Variants in BMP5 observed in about 807,000 individuals in gnomAD.
BMP5 encodes the protein bone morphogenetic protein 5.
Under a neutral mutation model 46.6 loss-of-function variants are expected in BMP5, and 23 were observed. The ratio of observed to expected loss-of-function variants is 0.49; its 90% confidence interval spans 0.35 to 0.70. The LOEUF is 0.70. Ranked by LOEUF, BMP5 falls within the 30% of genes least tolerant of loss-of-function variation. BMP5 has a pLI of 0.00. For synonymous variants in BMP5, 204 were observed against 191.9 expected (o/e 1.06, Z -0.52); for missense variants, 545 against 565.6 (o/e 0.96, Z 0.37).
At chr6:55,778,182 T>C (rs1775223350) in intron 3 of BMP5, among the ~76,000 whole-genome samples, 1 of 151,968 alleles carries the variant, frequency 6.6e-6, no homozygotes, top group African/African-American at 2.4e-5. Flanking sequence ...AATTCCCTTG[T>C]ATGATATCCA....
chr6:55,797,449 G>GA (rs1775741934), intron 2 of BMP5, among the ~76,000 whole-genome samples: 1 of 151,942 alleles, frequency 6.6e-6, no homozygotes, highest in South Asian at 2.1e-4. Flanking sequence ...CATGTATAAA[G>GA]AAAAAACATA....
intron 1 of BMP5, among the ~76,000 whole-genome samples, chr6:55,843,183 T>C (rs1227287402): frequency 2.0e-5 from 3 of 152,134 alleles, no homozygotes; most frequent in African/African-American, 7.2e-5. Flanking sequence ...CGTTTTTCTC[T>C]GATATCATAA....
intron 2 of BMP5, among the ~76,000 whole-genome samples, chr6:55,798,096 C>T (rs1303058271): frequency 2.0e-5 from 3 of 152,136 alleles, no homozygotes; most frequent in Non-Finnish European, 4.4e-5. Context: ...CTCCCTGTAT[C>T]CCTTCTCATC....
intron 1 of BMP5, among the ~76,000 whole-genome samples, chr6:55,845,804 CAT>C (rs1777084228): frequency 6.6e-6 from 1 of 152,052 alleles, no homozygotes; most frequent in East Asian, 1.9e-4. Flanking sequence ...CTTGAAAAAA[CAT>C]ATATTGGTCA....
At position 55,875,579 on chromosome 6, in the gene BMP5, G is replaced by A. The variant is rs996939351; in HGVS notation, c.-714C>T. 5 of 152,272 alleles carry A rather than the reference G, an allele frequency of 3.3e-5. No homozygotes were observed. The highest frequency in any genetic ancestry group is 5.9e-5 in the Non-Finnish European group (4 of 68,080). The allele number at this position is 152,272 out of a possible 1,614,324, so 9.4% of individuals were successfully genotyped here. On this transcript the variant is annotated 5_prime_UTR_variant, in exon 1 of 7. Coordinates refer to ENST00000370830, the MANE Select transcript of BMP5 (RefSeq NM_021073.4). ...AAATATACCAGCCCTCTTCAAGAGAGATCTAAAGAGTAGTGTAAGCACAAC... is the reference window on the plus strand; with the variant it reads ...AAATATACCAGCCCTCTTCAAGAGAAATCTAAAGAGTAGTGTAAGCACAAC...
At position 55,802,280 on chromosome 6, in the gene BMP5, C is replaced by T. The variant is rs113546318; in HGVS notation, c.684-7853G>A. Among the ~76,000 whole-genome samples, 1,196 of 152,244 alleles carry T rather than the reference C, an allele frequency of 7.9e-3. 14 individuals are homozygous for T. Among genetic ancestry groups the T allele is most frequent in the African/African-American group, 0.026 (1,059 of 41,524 alleles). ...AGTTGAAACAGCTACCCGGCCACTTCGACTCCTCATGCCAGTGAATCAAGA... is the reference window on the plus strand; with the variant it reads ...AGTTGAAACAGCTACCCGGCCACTTTGACTCCTCATGCCAGTGAATCAAGA... On this transcript the variant is annotated intron_variant, in intron 2 of 6. Transcript: ENST00000370830.
At chr6:55,863,914 C>T (rs77414246) in intron 1 of BMP5, among the ~76,000 whole-genome samples, 1,568 of 152,114 alleles carry the variant, frequency 0.01, 32 homozygotes, top group African/African-American at 0.036. Context: ...GTAGGATATG[C>T]CATCTAGGTT....
Position 55,841,250 on chromosome 6 carries a change from T to C in BMP5, c.491-21403A>G, listed in dbSNP as rs372603290. ...CTGCTGTTTTAGATCATTAGGTTGA[T>C]GTTGATGTTTTTCACCAAATTTTCA... On this transcript the variant is annotated intron_variant, in intron 1 of 6. Transcript: ENST00000370830. 5.3e-4 allele frequency among the ~76,000 whole-genome samples: 80 copies of C among 152,288 alleles called. No individual in the cohort carries two copies. In the South Asian group the frequency reaches 0.016, roughly 31 times the overall value.
chr6:55,822,704 T>C (rs1187495636), intron 1 of BMP5, among the ~76,000 whole-genome samples: 1 of 152,154 alleles, frequency 6.6e-6, no homozygotes, highest in East Asian at 1.9e-4. Flanking sequence ...ATTCATGTTA[T>C]GTAATCTACC....
At chr6:55,790,001 G>T (rs1481404716) in intron 3 of BMP5, among the ~76,000 whole-genome samples, 1 of 152,044 alleles carries the variant, frequency 6.6e-6, no homozygotes, top group Non-Finnish European at 1.5e-5. Context: ...GAATCAAAAT[G>T]CTACTTTTGA....
At chr6:55,762,669 T>G (rs899566264) in intron 4 of BMP5, among the ~76,000 whole-genome samples, 4 of 152,150 alleles carry the variant, frequency 2.6e-5, no homozygotes, top group Non-Finnish European at 5.9e-5. Flanking sequence ...CTCGATCGTG[T>G]TTAGAAAAAG....
chr6:55,757,164 T>A (rs1294725867), intron 6 of BMP5, among the ~76,000 whole-genome samples: 3 of 151,796 alleles, frequency 2.0e-5, no homozygotes, highest in Non-Finnish European at 4.4e-5. Flanking sequence ...TTATTTATTT[T>A]AAAAAAGAAA....
At chr6:55,849,239 C>T (rs761821727) in intron 1 of BMP5, among the ~76,000 whole-genome samples, 2 of 151,808 alleles carry the variant, frequency 1.3e-5, no homozygotes, top group East Asian at 1.9e-4. Context: ...CATATTCTAC[C>T]GGAGAAAACT....
At chr6:55,807,007 A>G (rs758073257) in intron 2 of BMP5, among the ~76,000 whole-genome samples, 1 of 152,220 alleles carries the variant, frequency 6.6e-6, no homozygotes, top group Non-Finnish European at 1.5e-5. Flanking sequence ...GAATCATGCC[A>G]TCTGCAAACA....
intron 2 of BMP5, among the ~76,000 whole-genome samples, chr6:55,805,413 C>T (rs766484814): frequency 2.6e-5 from 4 of 152,264 alleles, no homozygotes; most frequent in Middle Eastern, 3.4e-3. Context: ...CCAGATTCAT[C>T]CATGTCCCTG....
chr6:55,819,491 C>T (rs1166962828), intron 2 of BMP5, among the ~76,000 whole-genome samples, 164 bp downstream of exon 2: 1 of 152,078 alleles, frequency 6.6e-6, no homozygotes, highest in Non-Finnish European at 1.5e-5. Context: ...AGAAAATTTT[C>T]AGATCGATTA....
chr6:55,781,198 T>A (rs1336918002), intron 3 of BMP5, among the ~76,000 whole-genome samples: 1 of 152,150 alleles, frequency 6.6e-6, no homozygotes, highest in Non-Finnish European at 1.5e-5. Flanking sequence ...ATAGCCCTCA[T>A]TTATTTTAAG....
intron 1 of BMP5, among the ~76,000 whole-genome samples, chr6:55,858,467 C>A (rs1427735641): frequency 2.6e-5 from 4 of 152,042 alleles, no homozygotes; most frequent in African/African-American, 7.3e-5. Context: ...GCATAAGCTG[C>A]AAACTTAAAA....
chr6:55,835,891 T>G (rs1450724010), intron 1 of BMP5, among the ~76,000 whole-genome samples: 1 of 152,210 alleles, frequency 6.6e-6, no homozygotes, highest in African/African-American at 2.4e-5. Flanking sequence ...AAGTAAGAGA[T>G]GAATTTAAAG....
Sources: allele counts gnomAD v4.1 joint callset (sites outside exome capture counted in the v4.1 genomes callset), GRCh38; gene constraint gnomAD v4.1.1; transcripts MANE v1.5; gene names NCBI Gene and HGNC (gene_info 2026-07-23, HGNC 2026-07-21).